KIF5A: variants seen among roughly 807,000 people sequenced by gnomAD.
KIF5A encodes the protein kinesin family member 5A, also known as kinesin heavy chain isoform 5A.
In KIF5A, 35 loss-of-function variants were observed where a neutral mutation model predicts 141.3. The observed-to-expected ratio is 0.25, with a 90% confidence interval of 0.19 to 0.33. The LOEUF is 0.33. Among genes scored for constraint, KIF5A ranks in the 10% least tolerant of loss-of-function variants. The pLI is 1.00. For synonymous variants in KIF5A, 448 were observed against 500.2 expected (o/e 0.90, Z 1.39); for missense variants, 861 against 1,314.3 (o/e 0.66, Z 5.33).
chr12:57,569,555 C>T lies in KIF5A; in HGVS notation c.989C>T (p.Thr330Ile). Residue 330 changes from threonine (T) to isoleucine (I), a missense_variant, in exon 11 of 29, where the codon ACT becomes ATT. Physicochemically the swap from Thr to Ile is moderately conservative, Grantham distance 89 (BLOSUM62 -1). This residue lies in a region of KIF5A where 146 missense variants were observed against 353.4 expected (regional missense o/e 0.41). Transcript: ENST00000455537. ...FGQRAKTIKN[T>I]ASVNLELTAE... ...CCCAGGGCAAAGACCATTAAGAACA[C>T]TGCCTCAGTAAATTTGGAGTTGACT... The T allele has an allele frequency of 1.2e-6, 2 of 1,614,144 alleles. No individual in the cohort carries two copies. The highest frequency in any genetic ancestry group is 2.2e-5 in the East Asian group (1 of 44,884).
At chr12:57,575,983 C>T (rs1162100756) in intron 17 of KIF5A, 104 bp from the exon 18 acceptor site, 3 of 1,109,482 alleles carry the variant, frequency 2.7e-6, no homozygotes, top group Non-Finnish European at 2.8e-6. Flanking sequence ...GAAGAACATC[C>T]CTGTGGGTCC....
chr12:57,577,823 G>C (rs1446076748), intron 21 of KIF5A, 50 bp downstream of exon 21: 2 of 1,485,254 alleles, frequency 1.3e-6, no homozygotes, highest in Non-Finnish European at 1.9e-6. Context: ...GAGTGGGGAG[G>C]CTTCATTTCT....
At chr12:57,577,460 T>A (rs988269803) in intron 20 of KIF5A, among the ~76,000 whole-genome samples, 2 of 152,100 alleles carry the variant, frequency 1.3e-5, no homozygotes, top group African/African-American at 4.8e-5. Context: ...CTGGGCATGG[T>A]GGCATACGTC....
chr12:57,559,024 G>T (rs1398312377), intron 1 of KIF5A, among the ~76,000 whole-genome samples: 3 of 152,116 alleles, frequency 2.0e-5, no homozygotes, highest in Non-Finnish European at 4.4e-5. Context: ...GGATCCTCCA[G>T]ACTTGACCTC....
chr12:57,572,372 C>T lies in KIF5A; in HGVS notation c.1569+105C>T, dbSNP rs1882282764. The T allele has an allele frequency of 3.1e-6, 4 of 1,299,878 alleles. No individual in the cohort carries two copies. Among genetic ancestry groups the T allele is most frequent in the South Asian group, 2.5e-5 (2 of 78,584 alleles). The allele number at this position is 1,299,878 out of a possible 1,614,324, so 80.5% of individuals were successfully genotyped here. A position where few individuals can be genotyped will look rare whatever the true frequency, so the allele number is the denominator to read the frequency against. On this transcript the variant is annotated intron_variant, in intron 14 of 28. Transcript: ENST00000455537. The surrounding 1 kb of genome is among the most constrained non-coding windows in gnomAD (Gnocchi z 4.2). ...GGGCTGTATGGTGGCTGCACCTCTG[C>T]ACTGCTGTTCAGTGCATTGTGAGTC... is the stretch of plus-strand genomic sequence containing the variant.
chr12:57,577,644 T>C, intron 20 of KIF5A, 69 bp from the exon 21 acceptor site: 2 of 1,152,702 alleles, frequency 1.7e-6, no homozygotes, highest in South Asian at 1.2e-5. Context: ...ATAAAAGTAA[T>C]AGAGGAAGAG....
intron 28 of KIF5A, among the ~76,000 whole-genome samples, chr12:57,583,589 C>A (rs1882672781): frequency 6.6e-6 from 1 of 152,222 alleles, no homozygotes; most frequent in Non-Finnish European, 1.5e-5. Context: ...AACCCCACCT[C>A]TTCCTCCACC....
intron 1 of KIF5A, among the ~76,000 whole-genome samples, chr12:57,551,254 G>A (rs1159671793): frequency 2.0e-5 from 3 of 152,104 alleles, no homozygotes; most frequent in Non-Finnish European, 4.4e-5. Flanking sequence ...GTTACTCTAC[G>A]TATATTATTT....
At chr12:57,569,888 C>A in intron 11 of KIF5A, 99 bp from the exon 12 acceptor site, 1 of 1,455,900 alleles carries the variant, frequency 6.9e-7, no homozygotes. Flanking sequence ...GAGGGTCCAC[C>A]TGGCAAGAGA....
intron 15 of KIF5A, among the ~76,000 whole-genome samples, chr12:57,573,955 C>T (rs973401020): frequency 7.4e-5 from 11 of 149,152 alleles, no homozygotes; most frequent in African/African-American, 2.2e-4. Context: ...TGGTGGCGGG[C>T]GCCTGTAGTC....
In KIF5A at chr12:57,576,371, C is replaced by T. The variant is rs754614296; in HGVS notation, c.2191C>T (p.Leu731Phe). ...CGAGAAGCAGAAGACCATTGATGAGCTCAAAGAGTAAGGGTTCCCAAGGGC... is the reference window on the plus strand; with the variant it reads ...CGAGAAGCAGAAGACCATTGATGAGTTCAAAGAGTAAGGGTTCCCAAGGGC... Reference protein sequence around the residue: ...INEKQKTIDELKDLNQKLQLE... With the variant: ...INEKQKTIDEFKDLNQKLQLE... Residue 731 changes from leucine (L) to phenylalanine (F), a missense_variant, in exon 19 of 29, where the codon CTC becomes TTC. By Grantham distance (22) the Leu-to-Phe change is conservative (BLOSUM62 0). This residue lies in a region of KIF5A where 482 missense variants were observed against 661.3 expected (regional missense o/e 0.73). Transcript: ENST00000455537. The T allele has an allele frequency of 1.2e-6, 2 of 1,613,512 alleles. No individual in the cohort carries two copies. Among genetic ancestry groups the T allele is most frequent in the Middle Eastern group, 1.7e-4 (1 of 6,054 alleles).
chr12:57,567,691 C>T (rs1373700528), intron 8 of KIF5A, 73 bp downstream of exon 8: 3 of 1,455,692 alleles, frequency 2.1e-6, no homozygotes, highest in Non-Finnish European at 2.7e-6. Context: ...GACAGAGTCT[C>T]ACTCTGTCGC....
At chr12:57,557,766 A>G (rs1421421929) in intron 1 of KIF5A, among the ~76,000 whole-genome samples, 1 of 151,544 alleles carries the variant, frequency 6.6e-6, no homozygotes, top group African/African-American at 2.4e-5. Context: ...ATCTTGGCTC[A>G]CTGCAACCTC....
chr12:57,551,446 C>T (rs1443255973), intron 1 of KIF5A, among the ~76,000 whole-genome samples: 2 of 152,204 alleles, frequency 1.3e-5, no homozygotes, highest in Non-Finnish European at 1.5e-5. Context: ...GGTTTCTGTT[C>T]TGCACCTTTA....
In KIF5A at chr12:57,572,942, C is replaced by T. The variant is rs577411394; in HGVS notation, c.1716+216C>T. On this transcript the variant is annotated intron_variant, in intron 15 of 28. Transcript: ENST00000455537. This position sits in a 1 kb window ranked among gnomAD's most constrained non-coding sequence, Gnocchi z 4.2. ...CAGTGGCTCACCGCTGTAATCCCAGCACTTTGGGAGGCCGAGGCAGGCGGA... is the reference window on the plus strand; with the variant it reads ...CAGTGGCTCACCGCTGTAATCCCAGTACTTTGGGAGGCCGAGGCAGGCGGA... 3.3e-5 allele frequency among the ~76,000 whole-genome samples: 5 copies of T among 152,346 alleles called. No individual in the cohort carries two copies. Among genetic ancestry groups the T allele is most frequent in the Non-Finnish European group, 7.3e-5 (5 of 68,032 alleles).
chr12:57,583,497 AG>A (rs1882670059), intron 28 of KIF5A, among the ~76,000 whole-genome samples: 1 of 152,132 alleles, frequency 6.6e-6, no homozygotes, highest in African/African-American at 2.4e-5. Context: ...ACATGTCCAA[AG>A]AAGTGAGCTT....
chr12:57,580,750 G>A (rs1380648823), intron 23 of KIF5A, among the ~76,000 whole-genome samples: 5 of 152,120 alleles, frequency 3.3e-5, no homozygotes, highest in Non-Finnish European at 7.4e-5. Context: ...CCCACCCTTC[G>A]CTCTGGGAGA....
chr12:57,575,614 TC>T, intron 16 of KIF5A, 25 bp from the exon 17 acceptor site: 1 of 1,589,984 alleles, frequency 6.3e-7, no homozygotes, highest in Admixed American at 1.7e-5. Flanking sequence ...TCCATCTTCT[TC>T]CTCTCACCAA....
intron 1 of KIF5A, among the ~76,000 whole-genome samples, chr12:57,557,071 G>A (rs983830053): frequency 3.9e-5 from 6 of 151,946 alleles, no homozygotes; most frequent in East Asian, 1.9e-4. Context: ...TCCTGAGATC[G>A]TACAAATCTT....
Sources: allele counts gnomAD v4.1 joint callset (sites outside exome capture counted in the v4.1 genomes callset), GRCh38; gene constraint gnomAD v4.1.1; regional missense constraint gnomAD v4.1.1; non-coding constraint Gnocchi (gnomAD v3.1); transcripts MANE v1.5; gene names NCBI Gene and HGNC (gene_info 2026-07-23, HGNC 2026-07-21).